Variants in AKAP13 observed in about 807,000 individuals in gnomAD.
AKAP13 encodes the protein A-kinase anchor protein 13.
AKAP13 carries 80 observed loss-of-function variants against 264.5 expected under a neutral mutation model. The ratio of observed to expected loss-of-function variants is 0.30; its 90% confidence interval spans 0.25 to 0.36. The LOEUF is 0.36. AKAP13 is among the 10% of genes least tolerant of loss of function. AKAP13 has a pLI of 1.00. For missense variants in AKAP13, 3,712 were observed against 3,435.2 expected (o/e 1.08, Z -2.01); for synonymous variants, 1,380 against 1,250.2 (o/e 1.10, Z -2.19).
chr15:85,459,512 T>G (rs553814408), intron 1 of AKAP13, among the ~76,000 whole-genome samples: 5 of 151,224 alleles, frequency 3.3e-5, no homozygotes, highest in African/African-American at 1.2e-4. Flanking sequence ...TTTTTCTTTT[T>G]TTTTTGAGAT....
chr15:85,460,167 A>C (rs1299827869), intron 1 of AKAP13, among the ~76,000 whole-genome samples: 1 of 152,190 alleles, frequency 6.6e-6, no homozygotes, highest in Non-Finnish European at 1.5e-5. Flanking sequence ...ACTCCATATT[A>C]GTCTATAATT....
At chr15:85,710,920 C>T (rs2099366141) in intron 19 of AKAP13, among the ~76,000 whole-genome samples, 4 of 152,182 alleles carry the variant, frequency 2.6e-5, no homozygotes, top group African/African-American at 9.6e-5. Flanking sequence ...CTGCGCATCT[C>T]AACTTCCTCT....
At chr15:85,716,851 T>A (rs180940276) in intron 20 of AKAP13, among the ~76,000 whole-genome samples, 14 of 152,204 alleles carry the variant, frequency 9.2e-5, no homozygotes, top group African/African-American at 3.4e-4. Context: ...CACACATCAA[T>A]TGGGTGCCTG....
chr15:85,562,695 T>TC (rs1453396460), intron 5 of AKAP13, among the ~76,000 whole-genome samples: 95 of 19,514 alleles, frequency 4.9e-3, no homozygotes, highest in African/African-American at 9.4e-3. Context: ...TCTTTTCTTT[T>TC]TTTTTTTTTT....
chr15:85,659,955 C>T (rs1467259957), intron 12 of AKAP13, among the ~76,000 whole-genome samples: 5 of 152,222 alleles, frequency 3.3e-5, no homozygotes, highest in East Asian at 1.9e-4. Flanking sequence ...GAGGAAATGA[C>T]GATGCTTTCC....
Position 85,749,213 on chromosome 15 carries a change from G to T in AKAP13, c.*4536G>T, listed in dbSNP as rs150189874. 1 of 152,208 alleles carries T rather than the reference G, an allele frequency of 6.6e-6. No homozygotes were observed. The highest frequency in any genetic ancestry group is 2.1e-4 in the South Asian group (1 of 4,826). The allele number at this position is 152,208 out of a possible 1,614,324, so 9.4% of individuals were successfully genotyped here. ...AAGTGAAGCAGTTTTAAACTGTAAA[G>T]ATTTTTTTCAGTGTGTTTTCTCGAA... On this transcript the variant is annotated 3_prime_UTR_variant, in exon 37 of 37. Transcript: ENST00000394518.
chr15:85,675,337 C>T (rs573330448), intron 14 of AKAP13, among the ~76,000 whole-genome samples: 47 of 152,334 alleles, frequency 3.1e-4, no homozygotes, highest in African/African-American at 7.9e-4. Flanking sequence ...TTTCTTTGAT[C>T]TGTTACTTGG....
intron 8 of AKAP13, among the ~76,000 whole-genome samples, chr15:85,597,700 G>C (rs2079879683): frequency 6.6e-6 from 1 of 152,150 alleles, no homozygotes; most frequent in Non-Finnish European, 1.5e-5. Context: ...ACGGTATAGG[G>C]TGATCTGGGT....
chr15:85,432,383 G>A (rs1027909885), intron 1 of AKAP13, among the ~76,000 whole-genome samples: 4 of 151,156 alleles, frequency 2.6e-5, no homozygotes. Flanking sequence ...AAAAAAAGTC[G>A]ATTCAGTTTG....
At chr15:85,483,691 A>G (rs1431175986) in intron 1 of AKAP13, among the ~76,000 whole-genome samples, 1 of 148,354 alleles carries the variant, frequency 6.7e-6, no homozygotes, top group Non-Finnish European at 1.5e-5. Context: ...GGTGCCTGTA[A>G]TCTCAGCTAC....
Position 85,718,048 on chromosome 15 carries a change from TTTGAGA to T in AKAP13, c.5896_5901del (p.Ile1966_Glu1967del). 6.2e-7 allele frequency: 1 copy of T among 1,614,136 alleles called. No homozygotes were observed. Among genetic ancestry groups the T allele is most frequent in the Non-Finnish European group, 8.5e-7 (1 of 1,180,016 alleles). On this transcript the variant is annotated inframe_deletion, in exon 22 of 37. Coordinates refer to ENST00000394518, the MANE Select transcript of AKAP13 (RefSeq NM_007200.5). The surrounding 1 kb of genome is among the most constrained non-coding windows in gnomAD (Gnocchi z 4.9). Reference sequence around the variant, plus strand: ...GAATGAAGGACAACTACTGGGAGACTTTGAGATTGAGTCCAAACAGCTGGAAGCAGA... The same window carrying T: ...GAATGAAGGACAACTACTGGGAGACTTTGAGTCCAAACAGCTGGAAGCAGA...
At chr15:85,649,236 C>T (rs895678085) in intron 10 of AKAP13, among the ~76,000 whole-genome samples, 11 of 152,158 alleles carry the variant, frequency 7.2e-5, no homozygotes, top group African/African-American at 2.7e-4. Context: ...GAAATGTATC[C>T]AGAATTACTT....
chr15:85,662,359 T>C, intron 12 of AKAP13: 1 of 1,612,854 alleles, frequency 6.2e-7, no homozygotes, highest in Non-Finnish European at 8.5e-7. Flanking sequence ...TCCCTGCATT[T>C]CTGTTTCTGT....
intron 1 of AKAP13, among the ~76,000 whole-genome samples, chr15:85,392,905 T>C (rs948952075): frequency 2.6e-5 from 4 of 152,256 alleles, no homozygotes; most frequent in African/African-American, 9.6e-5. Context: ...AGCATTAACT[T>C]AGATTTTTAG....
intron 1 of AKAP13, among the ~76,000 whole-genome samples, chr15:85,471,606 A>T (rs1161497446): frequency 6.6e-6 from 1 of 152,364 alleles, no homozygotes; most frequent in East Asian, 1.9e-4. Context: ...ATAACTGCGT[A>T]CGTAACCACC....
intron 5 of AKAP13, among the ~76,000 whole-genome samples, chr15:85,570,190 C>T (rs1201139414): frequency 6.6e-6 from 1 of 151,914 alleles, no homozygotes; most frequent in Non-Finnish European, 1.5e-5. Context: ...GTGGCTGACG[C>T]CTGTAATCCC....
intron 1 of AKAP13, among the ~76,000 whole-genome samples, chr15:85,383,466 T>C (rs1397758873): frequency 1.3e-5 from 2 of 152,234 alleles, no homozygotes; most frequent in Non-Finnish European, 2.9e-5. Context: ...ACCTAGTAGC[T>C]GTAATGATAA....
intron 23 of AKAP13, among the ~76,000 whole-genome samples, chr15:85,720,997 T>G (rs1435327264): frequency 6.6e-6 from 1 of 152,240 alleles, no homozygotes; most frequent in Non-Finnish European, 1.5e-5. Flanking sequence ...GTGATGACTT[T>G]TCCTCCTGAA....
At position 85,722,248 on chromosome 15, in the gene AKAP13, G is replaced by C; in HGVS notation, c.6397G>C (p.Val2133Leu). 5.0e-6 allele frequency: 8 copies of C among 1,613,602 alleles called. No individual in the cohort carries two copies. The highest frequency in any genetic ancestry group is 6.8e-6 in the Non-Finnish European group (8 of 1,179,776). ...CTTGCAGAAGAAGATGAGCAGTTCA[G>C]TTGTTAGAAGGCTTGGAATTCCAGA... ...AFVKKKMSSSVVRRLGIPECI... is the reference protein window; with the variant it reads ...AFVKKKMSSSLVRRLGIPECI... The change falls in exon 25 of 37, where the codon GTT becomes CTT. Residue 2133 changes from valine (V) to leucine (L), a missense_variant. Physicochemically the swap from Val to Leu is conservative, Grantham distance 32 (BLOSUM62 1). Around this residue, in one of 3 missense-constraint regions of AKAP13, gnomAD observed 342 missense variants for 484.3 expected, o/e 0.71. Coordinates refer to ENST00000394518, the MANE Select transcript of AKAP13 (RefSeq NM_007200.5).
Sources: allele counts gnomAD v4.1 joint callset (sites outside exome capture counted in the v4.1 genomes callset), GRCh38; gene constraint gnomAD v4.1.1; regional missense constraint gnomAD v4.1.1; non-coding constraint Gnocchi (gnomAD v3.1); transcripts MANE v1.5; gene names NCBI Gene and HGNC (gene_info 2026-07-23, HGNC 2026-07-21).